WTAP: variants seen among roughly 807,000 people sequenced by gnomAD.
WTAP encodes pre-mRNA-splicing regulator WTAP.
A neutral mutation model predicts 50.0 loss-of-function variants in WTAP; 8 were observed. The observed-to-expected ratio is 0.16, with a 90% CI of 0.09 to 0.29. The LOEUF is 0.29. Among genes scored for constraint, WTAP ranks in the 10% least tolerant of loss-of-function variants. WTAP has a pLI of 1.00. For missense variants in WTAP, 295 were observed against 470.7 expected (o/e 0.63, Z 3.45); for synonymous variants, 194 against 169.0 (o/e 1.15, Z -1.15).
At chr6:159,738,858 T>C (rs1779074073) in intron 2 of WTAP, 132 bp from the exon 3 acceptor site, 1 of 551,610 alleles carries the variant, frequency 1.8e-6, no homozygotes. Context: ...TGTAATAAAA[T>C]ACTTTTTCAA....
chr6:159,736,158 A>G, intron 1 of WTAP, 100 bp from the exon 2 acceptor site: 2 of 1,117,074 alleles, frequency 1.8e-6, no homozygotes, highest in South Asian at 1.4e-5. Context: ...ACAGTAATTT[A>G]GTTCACTAAT....
upstream of WTAP, chr6:159,727,375 G>C: frequency 3.0e-6 from 3 of 1,008,606 alleles, no homozygotes; most frequent in South Asian, 4.9e-5. Flanking sequence ...CGGGGAGGCT[G>C]GCGGGAGGCG....
intron 1 of WTAP, among the ~76,000 whole-genome samples, chr6:159,732,193 C>G (rs1349825074): frequency 6.6e-6 from 1 of 152,106 alleles, no homozygotes; most frequent in African/African-American, 2.4e-5. Flanking sequence ...TAAATGGACC[C>G]ATGCAGCTAA....
intron 1 of WTAP, 106 bp downstream of exon 1, chr6:159,727,809 C>A: frequency 1.3e-6 from 1 of 798,348 alleles, no homozygotes; most frequent in Middle Eastern, 6.4e-4. Flanking sequence ...GCCCGAAAGG[C>A]CACACGGGCC....
chr6:159,744,800 G>A (rs1040494868), intron 5 of WTAP, among the ~76,000 whole-genome samples: 1 of 152,006 alleles, frequency 6.6e-6, no homozygotes, highest in African/African-American at 2.4e-5. Context: ...CCTCACTTCA[G>A]CTTCCCGAGT....
chr6:159,728,084 G>A (rs1472303757), intron 1 of WTAP, among the ~76,000 whole-genome samples: 1 of 152,222 alleles, frequency 6.6e-6, no homozygotes, highest in Non-Finnish European at 1.5e-5. Context: ...GCACTAACGA[G>A]TTCAGCAAGG....
rs1331453671 is a variant in WTAP at position 159,730,091 on chromosome 6, A to G, written c.-9+2388A>G. On this transcript the variant is annotated intron_variant, in intron 1 of 7. Coordinates refer to ENST00000621533, the MANE Select transcript of WTAP (RefSeq NM_001270531.2). Reference sequence around the variant, plus strand: ...TTTAAAACTAGTCAATCATGTTACCACCCTTTTGAGGGGCACCAAATTTGA... The same window carrying G: ...TTTAAAACTAGTCAATCATGTTACCGCCCTTTTGAGGGGCACCAAATTTGA... 4.6e-5 allele frequency among the ~76,000 whole-genome samples: 7 copies of G among 152,028 alleles called. No homozygotes were observed. The East Asian group carries it at 1.2e-3, about 25-fold the overall frequency.
intron 6 of WTAP, among the ~76,000 whole-genome samples, chr6:159,750,843 T>TAA (rs200320488): frequency 0.035 from 2,309 of 65,774 alleles, 60 homozygotes; most frequent in African/African-American, 0.088. Context: ...GCTCAGGCAA[T>TAA]CCCGTCTGGA....
Position 159,738,529 on chromosome 6 carries a change from T to TA in WTAP, c.31-458dup, listed in dbSNP as rs1779056629. On this transcript the variant is annotated intron_variant, in intron 2 of 7. Coordinates refer to ENST00000621533, the MANE Select transcript of WTAP (RefSeq NM_001270531.2). Reference sequence around the variant, plus strand: ...TTTTCAGTTTTTTAGCTTTTACAAGTAAAGCTGCTTGCATGTTTTCATTTC... The same window carrying TA: ...TTTTCAGTTTTTTAGCTTTTACAAGTAAAAGCTGCTTGCATGTTTTCATTTC... Among the ~76,000 whole-genome samples the TA allele has an allele frequency of 2.6e-5, 4 of 152,352 alleles. No homozygotes were observed. The South Asian group carries it at 8.3e-4, about 32-fold the overall frequency.
rs1779978776 is a variant in WTAP, at chr6:159,755,730, T to TG, written c.*119_*120insG. 1 of 1,251,792 alleles carries TG rather than the reference T, an allele frequency of 8.0e-7. No homozygotes were observed. Among genetic ancestry groups the TG allele is most frequent in the African/African-American group, 1.6e-5 (1 of 64,234 alleles). The allele number at this position is 1,251,792 out of a possible 1,614,324, so 77.5% of individuals were successfully genotyped here. On this transcript the variant is annotated 3_prime_UTR_variant, in exon 8 of 8. Coordinates refer to ENST00000621533, the MANE Select transcript of WTAP (RefSeq NM_001270531.2). ...TTGTGGGTGTACGTTTTGGTTTTTTTTTGTTGTTTTTTTTCTTTGTTTTTT... is the reference window on the plus strand; with the variant it reads ...TTGTGGGTGTACGTTTTGGTTTTTTTGTTGTTGTTTTTTTTCTTTGTTTTTT...
intron 1 of WTAP, among the ~76,000 whole-genome samples, chr6:159,728,426 A>AAAC (rs376685808): frequency 5.0e-4 from 66 of 133,288 alleles, no homozygotes; most frequent in South Asian, 2.7e-3. Flanking sequence ...AAAACAAAAC[A>AAAC]AAACAAAAAA....
chr6:159,750,991 A>G lies in WTAP; in HGVS notation c.453-2469A>G, dbSNP rs554290731. ...AAATAACCTGTCCAGTTCAGTTAAA[A>G]TATTTCATTCATGTGAGAATGCACA... On this transcript the variant is annotated intron_variant, in intron 6 of 7. Coordinates refer to ENST00000621533, the MANE Select transcript of WTAP (RefSeq NM_001270531.2). Among the ~76,000 whole-genome samples, 7 of 152,378 alleles carry G rather than the reference A, an allele frequency of 4.6e-5. No individual in the cohort carries two copies. The East Asian group carries it at 7.7e-4, about 17-fold the overall frequency.
At chr6:159,739,587 A>C (rs1779120234) in intron 3 of WTAP, among the ~76,000 whole-genome samples, 1 of 152,236 alleles carries the variant, frequency 6.6e-6, no homozygotes, top group Non-Finnish European at 1.5e-5. Flanking sequence ...GAAATCAGGA[A>C]GTAGGATGTT....
At chr6:159,753,645 T>A in intron 7 of WTAP, 31 bp downstream of exon 7, 1 of 1,579,474 alleles carries the variant, frequency 6.3e-7, no homozygotes, top group Non-Finnish European at 8.6e-7. Flanking sequence ...TGGAACGTTG[T>A]CTCAACTTTG....
upstream of WTAP, chr6:159,726,758 G>C (rs533143777): frequency 3.1e-6 from 4 of 1,287,690 alleles, no homozygotes; most frequent in East Asian, 1.1e-4. Context: ...TGCGTCTCCA[G>C]AGATGTCAAG....
rs67554039 is a variant in WTAP at position 159,732,886 on chromosome 6, A to AGTGTGTGTGTGTGTGTGTGT, written c.-8-3359_-8-3340dup. Among the ~76,000 whole-genome samples, 338 of 146,468 alleles carry AGTGTGTGTGTGTGTGTGTGT rather than the reference A, an allele frequency of 2.3e-3. 1 individual carries two copies. Among genetic ancestry groups the AGTGTGTGTGTGTGTGTGTGT allele is most frequent in the African/African-American group, 8.1e-3 (309 of 38,384 alleles). ...TCTCTCTCTCTCTGTATATATATAT[A>AGTGTGTGTGTGTGTGTGTGT]GTGTGTGTGTGTGTGTGTGTGTGTG... On this transcript the variant is annotated intron_variant, in intron 1 of 7. Coordinates refer to ENST00000621533, the MANE Select transcript of WTAP (RefSeq NM_001270531.2).
In WTAP at chr6:159,742,229, G is replaced by A. The variant is rs960555997; in HGVS notation, c.145+83G>A. ...CAAAAGGATAGTTGTTTTTATTAAAGCAAATGTAATTTTTCTCGTGTTTTA... is the reference window on the plus strand; with the variant it reads ...CAAAAGGATAGTTGTTTTTATTAAAACAAATGTAATTTTTCTCGTGTTTTA... On this transcript the variant is annotated intron_variant, in intron 4 of 7. Coordinates refer to ENST00000621533, the MANE Select transcript of WTAP (RefSeq NM_001270531.2). 2.0e-5 allele frequency: 25 copies of A among 1,222,630 alleles called. No individual in the cohort carries two copies. The East Asian group carries it at 5.0e-4, about 25-fold the overall frequency. The allele number at this position is 1,222,630 out of a possible 1,614,324, so 75.7% of individuals were successfully genotyped here.
At chr6:159,744,332 A>G (rs552261948) in intron 5 of WTAP, among the ~76,000 whole-genome samples, 33 of 152,336 alleles carry the variant, frequency 2.2e-4, no homozygotes, top group African/African-American at 7.2e-4. Flanking sequence ...TTTAGGCTCA[A>G]TCTTACGGTG....
upstream of WTAP, chr6:159,726,705 G>C (rs1420366785): frequency 2.5e-6 from 3 of 1,209,162 alleles, no homozygotes; most frequent in South Asian, 2.6e-5. Context: ...CAACGCCGCG[G>C]ACACAGCGCA....
Sources: allele counts gnomAD v4.1 joint callset (sites outside exome capture counted in the v4.1 genomes callset), GRCh38; gene constraint gnomAD v4.1.1; transcripts MANE v1.5; gene names NCBI Gene and HGNC (gene_info 2026-07-23, HGNC 2026-07-21).